TMEM154: variants seen among roughly 807,000 people sequenced by gnomAD.
TMEM154 encodes transmembrane protein 154.
In TMEM154, 27 loss-of-function variants were observed where a neutral mutation model predicts 24.5. The observed-to-expected ratio is 1.10, with a 90% CI of 0.81 to 1.52. TMEM154 has a LOEUF of 1.52. TMEM154 is among the 40% of genes most tolerant of loss of function. The probability of loss-of-function intolerance (pLI) is 0.00; values close to 1 mark genes in which losing one functional copy is unlikely to be tolerated. For missense variants in TMEM154, 228 were observed against 213.4 expected (o/e 1.07, Z -0.43); for synonymous variants, 67 against 76.8 (o/e 0.87, Z 0.67).
intron 1 of TMEM154, 36 bp from the exon 2 acceptor site, chr4:152,652,963 A>G (rs1262127857): frequency 1.3e-6 from 2 of 1,539,928 alleles, no homozygotes; most frequent in Admixed American, 4.2e-5. Context: ...ATTTCCATGG[A>G]GACAAAGTTA....
chr4:152,652,836 C>T lies in TMEM154; in HGVS notation c.156G>A (p.Val52=), dbSNP rs760356311. The T allele has an allele frequency of 6.8e-6, 11 of 1,613,906 alleles. No homozygotes were observed. The highest frequency in any genetic ancestry group is 9.3e-6 in the Non-Finnish European group (11 of 1,179,980). The change falls in exon 2 of 7, where the codon GTG becomes GTA. Residue 52 remains valine, a synonymous_variant. Transcript: ENST00000304385. ...KVTIPSTFAA[V]TIKETLNANI... ...TTGCATTTAATGTTTCTTTGATGGT[C>T]ACTGCAGCAAATGTGCTTGGAATAG...
At chr4:152,667,043 T>C (rs1361316899) in intron 1 of TMEM154, 2 of 152,278 alleles carry the variant, frequency 1.3e-5, no homozygotes, top group Non-Finnish European at 2.9e-5. Context: ...TAACTTATTA[T>C]TTATTATCTG....
intron 1 of TMEM154, among the ~76,000 whole-genome samples, chr4:152,665,248 G>A (rs1728695872): frequency 6.6e-6 from 1 of 152,202 alleles, no homozygotes; most frequent in East Asian, 1.9e-4. Context: ...GTAGAACCCA[G>A]GTCTCAATAA....
chr4:152,645,727 G>A (rs184808837), intron 3 of TMEM154, among the ~76,000 whole-genome samples: 1 of 152,306 alleles, frequency 6.6e-6, no homozygotes, highest in Admixed American at 6.5e-5. Context: ...CTGAGTTCCT[G>A]GCAGCAGTGA....
chr4:152,657,846 A>G (rs1307744390), intron 1 of TMEM154, among the ~76,000 whole-genome samples: 5 of 152,224 alleles, frequency 3.3e-5, no homozygotes, highest in Non-Finnish European at 7.4e-5. Context: ...ATGACAACAA[A>G]AACCCTGTCA....
intron 1 of TMEM154, among the ~76,000 whole-genome samples, chr4:152,676,469 G>A (rs1316501628): frequency 6.6e-6 from 1 of 152,112 alleles, no homozygotes; most frequent in Non-Finnish European, 1.5e-5. Context: ...TGTGACCTTG[G>A]GCAAGTCACT....
intron 6 of TMEM154, among the ~76,000 whole-genome samples, chr4:152,635,158 G>T (rs1366050004): frequency 6.6e-6 from 1 of 152,196 alleles, no homozygotes; most frequent in Non-Finnish European, 1.5e-5. Flanking sequence ...CTGTTTTCTT[G>T]CAATTAATGG....
chr4:152,646,249 G>C (rs116225488), intron 3 of TMEM154, among the ~76,000 whole-genome samples: 1 of 152,086 alleles, frequency 6.6e-6, no homozygotes, highest in Non-Finnish European at 1.5e-5. Flanking sequence ...TTCAGGGTGA[G>C]CAAAAGCTAG....
At chr4:152,666,611 C>G (rs973886094) in intron 1 of TMEM154, 2 of 152,198 alleles carry the variant, frequency 1.3e-5, no homozygotes, top group African/African-American at 4.8e-5. Context: ...CAAGTCCTAC[C>G]AGAATTTGCA....
intron 6 of TMEM154, among the ~76,000 whole-genome samples, chr4:152,633,239 AGCAACG>A (rs1752084423): frequency 3.9e-5 from 6 of 152,230 alleles, no homozygotes; most frequent in Admixed American, 3.9e-4. Flanking sequence ...GTGGACCGTG[AGCAACG>A]GACAAAGCTC....
At position 152,665,954 on chromosome 4, in the gene TMEM154, A is replaced by C. The variant is rs568579321; in HGVS notation, c.65-13027T>G. ...AGACGTGCGCCACCACGCCTGACTA[A>C]TTTTTGCATTTTCTGTAGAAACAGG... On this transcript the variant is annotated intron_variant, in intron 1 of 6. Transcript: ENST00000304385. 1.3e-4 allele frequency among the ~76,000 whole-genome samples: 19 copies of C among 151,892 alleles called. No individual in the cohort carries two copies. The South Asian group carries it at 4.0e-3, about 32-fold the overall frequency.
At chr4:152,628,934 T>C (rs558120448) in intron 6 of TMEM154, among the ~76,000 whole-genome samples, 28 of 152,034 alleles carry the variant, frequency 1.8e-4, no homozygotes, top group Non-Finnish European at 2.6e-4. Context: ...TGTGAGCCAC[T>C]GCACCCGGCC....
chr4:152,659,061 C>T (rs769062147), intron 1 of TMEM154, among the ~76,000 whole-genome samples: 5 of 152,096 alleles, frequency 3.3e-5, no homozygotes, highest in South Asian at 2.1e-4. Context: ...TAATTGCACT[C>T]GCGTGTTCAT....
At chr4:152,665,143 C>G (rs750927512) in intron 1 of TMEM154, among the ~76,000 whole-genome samples, 5 of 152,158 alleles carry the variant, frequency 3.3e-5, no homozygotes, top group Non-Finnish European at 7.4e-5. Flanking sequence ...GAGTCCAGTC[C>G]AAGGCTGAAT....
chr4:152,646,790 A>G (rs574328065), intron 3 of TMEM154: 9 of 602,196 alleles, frequency 1.5e-5, no homozygotes, highest in African/African-American at 1.3e-4. Context: ...CAGGAGCTAC[A>G]GGAGCCTCTG....
chr4:152,620,509 TTTTG>T lies in TMEM154; in HGVS notation c.*8033_*8036del, dbSNP rs1344305704. 8.4e-5 allele frequency: 9 copies of T among 107,696 alleles called. No homozygotes were observed. Among genetic ancestry groups the T allele is most frequent in the African/African-American group, 2.8e-4 (9 of 32,286 alleles). 6.7% of individuals were successfully genotyped at this position (107,696 alleles called of 1,614,324 possible). On this transcript the variant is annotated 3_prime_UTR_variant, in exon 7 of 7. Transcript: ENST00000304385. ...ATCCTTGACAATGACTGAAACTTTT[TTTTG>T]TTTGTTTTTTTGTTGTTTTTTTTTA...
chr4:152,625,883 T>G lies in TMEM154; in HGVS notation c.*2663A>C, dbSNP rs1751909161. ...GAGACCCTGTCTTTAAAAAATAAAATAAAATAATTTTACAGCTTTTGGTTC... is the reference window on the plus strand; with the variant it reads ...GAGACCCTGTCTTTAAAAAATAAAAGAAAATAATTTTACAGCTTTTGGTTC... On this transcript the variant is annotated 3_prime_UTR_variant, in exon 7 of 7. Transcript: ENST00000304385. 6.6e-6 allele frequency: 1 copy of G among 151,978 alleles called. No homozygotes were observed. Among genetic ancestry groups the G allele is most frequent in the Non-Finnish European group, 1.5e-5 (1 of 68,006 alleles). 9.4% of individuals were successfully genotyped at this position (151,978 alleles called of 1,614,324 possible).
At position 152,631,918 on chromosome 4, in the gene TMEM154, C is replaced by A. The variant is rs1281793926; in HGVS notation, c.537-3357G>T. 3.3e-5 allele frequency among the ~76,000 whole-genome samples: 5 copies of A among 150,470 alleles called. No individual in the cohort carries two copies. In the South Asian group the frequency reaches 8.5e-4, roughly 25 times the overall value. On this transcript the variant is annotated intron_variant, in intron 6 of 6. Coordinates refer to ENST00000304385, the MANE Select transcript of TMEM154 (RefSeq NM_152680.3). Reference sequence around the variant, plus strand: ...CTCCCAGGTTCACACCATTCTCCTGCCTCAGCCTCCCAAGTAGCTGGGACT... The same window carrying A: ...CTCCCAGGTTCACACCATTCTCCTGACTCAGCCTCCCAAGTAGCTGGGACT...
In TMEM154 at chr4:152,646,661, A is replaced by G. The variant is rs1275692909; in HGVS notation, c.365-2219T>C. The G allele has an allele frequency of 2.5e-5, 9 of 366,926 alleles. No homozygotes were observed. The East Asian group carries it at 4.6e-4, about 19-fold the overall frequency. The allele number at this position is 366,926 out of a possible 1,614,324, so 22.7% of individuals were successfully genotyped here. On this transcript the variant is annotated intron_variant, in intron 3 of 6. Transcript: ENST00000304385. ...CCTTCCATTTCATCTCCTCCAACCC[A>G]CTTTGTCCTCCTCCTTCAGTTCCTA...
Sources: gnomAD v4.1 joint callset for allele counts (sites outside exome capture counted in the v4.1 genomes callset) on GRCh38, gnomAD v4.1.1 for gene constraint, MANE v1.5 for transcripts, NCBI Gene and HGNC (gene_info 2026-07-23, HGNC 2026-07-21) for gene names.